Variants in NPAS1 observed in about 807,000 individuals in gnomAD.
NPAS1 encodes the protein neuronal PAS domain-containing protein 1.
In NPAS1, 29 loss-of-function variants were observed where a neutral mutation model predicts 49.2. The ratio of observed to expected loss-of-function variants is 0.59; its 90% CI spans 0.44 to 0.80. The LOEUF (loss-of-function observed/expected upper bound fraction) is 0.80. NPAS1 is among the 30% of genes least tolerant of loss of function. NPAS1 has a pLI of 0.00. For missense variants in NPAS1, 825 were observed against 835.5 expected (o/e 0.99, Z 0.15); for synonymous variants, 408 against 380.4 (o/e 1.07, Z -0.84).
intron 3 of NPAS1, among the ~76,000 whole-genome samples, chr19:47,028,530 G>A (rs2056887955): frequency 6.6e-6 from 1 of 152,134 alleles, no homozygotes; most frequent in South Asian, 2.1e-4. Flanking sequence ...GCTCTGTGCT[G>A]CAGCATCTGC....
rs199761214 is a variant in NPAS1 at position 47,021,182 on chromosome 19, C to T, written c.122+13C>T. The T allele has an allele frequency of 3.7e-5, 57 of 1,533,006 alleles. No homozygotes were observed. In the East Asian group the frequency reaches 1.4e-3, roughly 36 times the overall value. The allele number at this position is 1,533,006 out of a possible 1,614,324, so 95.0% of individuals were successfully genotyped here. On this transcript the variant is annotated intron_variant, in intron 2 of 11. Transcript: ENST00000602212. This position sits in a 1 kb window ranked among gnomAD's most constrained non-coding sequence, Gnocchi z 5.7. ...CGTCCGGACCGTGGTGAGCAAAGCC[C>T]CGCCCCCCTGGCCGCGGGCCCCCCC...
chr19:47,028,219 AGC>A (rs1205908384), intron 3 of NPAS1, among the ~76,000 whole-genome samples: 1 of 152,166 alleles, frequency 6.6e-6, no homozygotes, highest in African/African-American at 2.4e-5. Context: ...TGCGACAATT[AGC>A]AGGCAGCATT....
Position 47,045,449 on chromosome 19 carries a change from T to G in NPAS1, c.1571T>G (p.Leu524Arg), listed in dbSNP as rs1599928566. The change falls in exon 12 of 12, where the codon CTG becomes CGG. Residue 524 changes from leucine to arginine, a missense_variant. By Grantham distance (102) the Leu-to-Arg change is moderately radical. Transcript: ENST00000602212. ...CCCGGGGACCCCCCGCCCACCCTCCTGCACGCGGGCTTCCTGCCGCCGGTG... is the reference window on the plus strand; with the variant it reads ...CCCGGGGACCCCCCGCCCACCCTCCGGCACGCGGGCTTCCTGCCGCCGGTG... ...APPGDPPPTL[L>R]HAGFLPPVVR... 6.3e-7 allele frequency: 1 copy of G among 1,596,838 alleles called. No individual in the cohort carries two copies. Among genetic ancestry groups the G allele is most frequent in the African/African-American group, 1.3e-5 (1 of 74,518 alleles).
Position 47,021,760 on chromosome 19 carries a change from A to G in NPAS1, c.271A>G (p.Ser91Gly). 6.5e-7 allele frequency: 1 copy of G among 1,541,812 alleles called. No homozygotes were observed. Among genetic ancestry groups the G allele is most frequent in the African/African-American group, 1.4e-5 (1 of 71,500 alleles). ...QLDKASIVRL[S>G]VTYLRLRRFA... ...GGACAAGGCTTCCATCGTGCGCCTC[A>G]GCGTCACCTACCTCCGCCTGCGCCG... Residue 91 changes from serine (S) to glycine (G), a missense_variant, in exon 3 of 12, where the codon AGC (serine) becomes GGC (glycine). Coordinates refer to ENST00000602212, the MANE Select transcript of NPAS1 (RefSeq NM_002517.4). The surrounding 1 kb of genome is among the most constrained non-coding windows in gnomAD (Gnocchi z 5.7).
intron 3 of NPAS1, among the ~76,000 whole-genome samples, chr19:47,027,545 T>C: frequency 2.2e-5 from 1 of 45,246 alleles, no homozygotes; most frequent in African/African-American, 1.0e-4. Context: ...TCTCTGCCCC[T>C]GGTCTCCTGT....
rs1265929238 is a variant in NPAS1 at position 47,032,491 on chromosome 19, C to G, written c.432+140C>G. The G allele has an allele frequency of 9.1e-6, 10 of 1,099,074 alleles. No homozygotes were observed. In the East Asian group the frequency reaches 2.2e-4, roughly 24 times the overall value. The allele number at this position is 1,099,074 out of a possible 1,614,324, so 68.1% of individuals were successfully genotyped here. Reference sequence around the variant, plus strand: ...GCGAATGCTCAAGATCCCTCCACTCCCTGCCCCTTCCGAGGACCACTGAAG... The same window carrying G: ...GCGAATGCTCAAGATCCCTCCACTCGCTGCCCCTTCCGAGGACCACTGAAG... On this transcript the variant is annotated intron_variant, in intron 4 of 11. Coordinates refer to ENST00000602212, the MANE Select transcript of NPAS1 (RefSeq NM_002517.4).
chr19:47,026,262 G>A (rs2056870287), intron 3 of NPAS1, among the ~76,000 whole-genome samples: 1 of 152,212 alleles, frequency 6.6e-6, no homozygotes, highest in Admixed American at 6.5e-5. Context: ...TTGAGCTGAG[G>A]CTCCAAGGAG....
intron 3 of NPAS1, among the ~76,000 whole-genome samples, chr19:47,030,810 T>C (rs935417339): frequency 5.9e-5 from 9 of 152,046 alleles, no homozygotes; most frequent in Admixed American, 3.3e-4. Context: ...CCCGCCATCA[T>C]GCCCAGCTAA....
intron 6 of NPAS1, among the ~76,000 whole-genome samples, chr19:47,036,977 G>C (rs930056840): frequency 1.3e-5 from 2 of 151,042 alleles, no homozygotes; most frequent in Admixed American, 6.6e-5. Context: ...AGGATGGCTT[G>C]AGCCTTGGGG....
rs973435182 is a variant in NPAS1, at chr19:47,021,579, C to T, written c.123-33C>T. ...TTCCCAAGCCCCTGAGCCCCGGGGC[C>T]CCGCCGACACCTCCTCCGCGCCGCC... On this transcript the variant is annotated intron_variant, in intron 2 of 11. Transcript: ENST00000602212. The surrounding 1 kb of genome is among the most constrained non-coding windows in gnomAD (Gnocchi z 5.7). The T allele has an allele frequency of 3.6e-6, 5 of 1,404,210 alleles. No homozygotes were observed. The South Asian group carries it at 5.9e-5, about 16-fold the overall frequency. 87.0% of individuals were successfully genotyped at this position (1,404,210 alleles called of 1,614,324 possible).
intron 3 of NPAS1, among the ~76,000 whole-genome samples, chr19:47,024,632 G>T (rs2056860462): frequency 6.6e-6 from 1 of 152,066 alleles, no homozygotes; most frequent in South Asian, 2.1e-4. Flanking sequence ...TGCCCCAAAG[G>T]CCGCCTCTCA....
rs1198407996 is a variant in NPAS1 at position 47,040,784 on chromosome 19, G to C, written c.1070-194G>C. ...TGTGGGGTCTCCAAAACACCCAAGA[G>C]GCCTCGCTGCTGGGCTACCTCTCAG... is the stretch of plus-strand genomic sequence containing the variant. On this transcript the variant is annotated intron_variant, in intron 9 of 11. Transcript: ENST00000602212. The C allele has an allele frequency of 6.5e-6, 4 of 612,356 alleles. No homozygotes were observed. The Admixed American group carries it at 1.2e-4, about 19-fold the overall frequency. 37.9% of individuals were successfully genotyped at this position (612,356 alleles called of 1,614,324 possible). A position where few individuals can be genotyped will look rare whatever the true frequency, so the allele number is the denominator to read the frequency against.
At chr19:47,026,802 A>G (rs1230501419) in intron 3 of NPAS1, among the ~76,000 whole-genome samples, 1 of 143,862 alleles carries the variant, frequency 7.0e-6, no homozygotes, top group Non-Finnish European at 1.5e-5. Context: ...TAAAAATACA[A>G]AAATTAGCCG....
chr19:47,038,472 G>A (rs541551313), intron 6 of NPAS1, among the ~76,000 whole-genome samples: 3 of 150,408 alleles, frequency 2.0e-5, no homozygotes, highest in East Asian at 1.9e-4. Flanking sequence ...GGCCGAGATC[G>A]TGCCACTGCA....
Position 47,021,206 on chromosome 19 carries a change from C to G in NPAS1, c.122+37C>G, listed in dbSNP as rs904178142. 1.3e-6 allele frequency: 2 copies of G among 1,484,116 alleles called. No individual in the cohort carries two copies. Among genetic ancestry groups the G allele is most frequent in the African/African-American group, 1.4e-5 (1 of 69,892 alleles). 91.9% of individuals were successfully genotyped at this position (1,484,116 alleles called of 1,614,324 possible). On this transcript the variant is annotated intron_variant, in intron 2 of 11. Transcript: ENST00000602212. The surrounding 1 kb of genome is among the most constrained non-coding windows in gnomAD (Gnocchi z 5.7). ...CCCGCCCCCCTGGCCGCGGGCCCCCCCCCGGGTCCAATTCACACCCGATGT... is the reference window on the plus strand; with the variant it reads ...CCCGCCCCCCTGGCCGCGGGCCCCCGCCCGGGTCCAATTCACACCCGATGT...
At chr19:47,022,234 G>A (rs2056847076) in intron 3 of NPAS1, among the ~76,000 whole-genome samples, 3 of 152,200 alleles carry the variant, frequency 2.0e-5, no homozygotes, top group Admixed American at 6.5e-5. Context: ...GAGATACCCT[G>A]GATCCAGACC....
At chr19:47,027,135 C>G (rs546688157) in intron 3 of NPAS1, among the ~76,000 whole-genome samples, 29 of 152,330 alleles carry the variant, frequency 1.9e-4, no homozygotes, top group Admixed American at 7.2e-4. Context: ...ATGCAGCCCT[C>G]AGGCCTGCGG....
At position 47,039,474 on chromosome 19, in the gene NPAS1, C is replaced by T. The variant is rs2056995557; in HGVS notation, c.872C>T (p.Pro291Leu). 2.5e-6 allele frequency: 4 copies of T among 1,610,716 alleles called. No individual in the cohort carries two copies. Among genetic ancestry groups the T allele is most frequent in the Non-Finnish European group, 3.4e-6 (4 of 1,179,064 alleles). Residue 291 changes from proline to leucine, a missense_variant, in exon 8 of 12, where the codon CCC (proline) becomes CTC (leucine). Pro to Leu is a moderately conservative substitution (Grantham distance 98). Coordinates refer to ENST00000602212, the MANE Select transcript of NPAS1 (RefSeq NM_002517.4). ...LGLVALGHTL[P>L]PAPLAELPLH... The stretch of plus-strand genomic sequence containing the variant: ...CTTGTGGCCCTCGGGCACACGTTGC[C>T]CCCGGCCCCCCTGGCTGAGCTGCCA...
At chr19:47,023,435 G>A (rs2056853893) in intron 3 of NPAS1, among the ~76,000 whole-genome samples, 1 of 152,182 alleles carries the variant, frequency 6.6e-6, no homozygotes, top group Admixed American at 6.6e-5. Flanking sequence ...AGTGGAAGTA[G>A]GGTCAGGACA....
Sources: allele counts gnomAD v4.1 joint callset (sites outside exome capture counted in the v4.1 genomes callset), GRCh38; gene constraint gnomAD v4.1.1; non-coding constraint Gnocchi (gnomAD v3.1); transcripts MANE v1.5; gene names NCBI Gene and HGNC (gene_info 2026-07-23, HGNC 2026-07-21).